Variants in AK3 observed in about 807,000 individuals in gnomAD.
AK3 encodes adenylate kinase 3, also known as GTP:AMP phosphotransferase AK3, mitochondrial.
Under a neutral mutation model 23.7 loss-of-function variants are expected in AK3, and 27 were observed. That is an observed-to-expected ratio of 1.14 (90% confidence interval 0.84 to 1.57). The LOEUF is 1.57. Ranked by LOEUF, AK3 falls within the 40% of genes most tolerant of loss-of-function variation. The pLI, the probability that AK3 is intolerant of heterozygous loss-of-function variation, is 0.00. For synonymous variants in AK3, 159 were observed against 116.0 expected (o/e 1.37, Z -2.38); for missense variants, 406 against 285.6 (o/e 1.42, Z -3.04).
At chr9:4,713,144 C>A in intron 4 of AK3, 48 bp from the exon 5 acceptor site, 1 of 1,596,558 alleles carries the variant, frequency 6.3e-7, no homozygotes, top group East Asian at 2.2e-5. Flanking sequence ...TCTGAGTCTT[C>A]CTAATAAGCT....
At chr9:4,731,723 T>C (rs1387117531) in intron 1 of AK3, among the ~76,000 whole-genome samples, 1 of 152,182 alleles carries the variant, frequency 6.6e-6, no homozygotes, top group Non-Finnish European at 1.5e-5. Flanking sequence ...TCCATTTGAT[T>C]ACCTACATTT....
At chr9:4,737,811 C>G (rs772543786) in intron 1 of AK3, among the ~76,000 whole-genome samples, 11 of 152,174 alleles carry the variant, frequency 7.2e-5, no homozygotes, top group Non-Finnish European at 1.5e-4. Flanking sequence ...TGATGACCTA[C>G]AGTTATTCCA....
chr9:4,719,956 T>C (rs1020432749), intron 2 of AK3, among the ~76,000 whole-genome samples: 1 of 113,274 alleles, frequency 8.8e-6, no homozygotes, highest in Admixed American at 8.2e-5. Flanking sequence ...TCCCAGCTAG[T>C]TGGGAGGCGA....
intron 1 of AK3, among the ~76,000 whole-genome samples, chr9:4,740,068 AAAAAAAAAAG>A (rs989428175): frequency 1.1e-4 from 16 of 149,688 alleles, no homozygotes; most frequent in African/African-American, 2.9e-4. Flanking sequence ...TACAAAAAAA[AAAAAAAAAAG>A]AAGGAAAACA....
rs1399150083 is a variant in AK3 at position 4,710,255 on chromosome 9, T to G, written c.*2721A>C. On this transcript the variant is annotated 3_prime_UTR_variant, in exon 5 of 5. Transcript: ENST00000381809. ...CGGAGTCTCCCTCTGTCGCCCAGGC[T>G]GGAGTGCAGTGGCACGATCTCAGCT... The G allele has an allele frequency of 3.3e-5, 5 of 152,322 alleles. No individual in the cohort carries two copies. Among genetic ancestry groups the G allele is most frequent in the South Asian group, 2.1e-4 (1 of 4,836 alleles). 9.4% of individuals were successfully genotyped at this position (152,322 alleles called of 1,614,324 possible). A position where few individuals can be genotyped will look rare whatever the true frequency, so the allele number is the denominator to read the frequency against.
At position 4,713,020 on chromosome 9, in the gene AK3, T is replaced by C. The variant is rs751865761; in HGVS notation, c.640A>G (p.Thr214Ala). 23 of 1,613,690 alleles carry C rather than the reference T, an allele frequency of 1.4e-5. No individual in the cohort carries two copies. Among genetic ancestry groups the C allele is most frequent in the Non-Finnish European group, 1.9e-5 (22 of 1,179,810 alleles). ...IWPYVYAFLQTKVPQRSQKAS... is the reference protein window; with the variant it reads ...IWPYVYAFLQAKVPQRSQKAS... ...TTCTGGCTTCTTTGTGGAACTTTAG[T>C]TTGTAGGAAAGCATATACATAGGGC... The change falls in exon 5 of 5, where the codon ACT (threonine) becomes GCT (alanine). Residue 214 changes from threonine (T) to alanine (A), a missense_variant. Coordinates refer to ENST00000381809, the MANE Select transcript of AK3 (RefSeq NM_016282.4).
chr9:4,729,857 G>T (rs1842114132), intron 1 of AK3, among the ~76,000 whole-genome samples: 1 of 149,324 alleles, frequency 6.7e-6, no homozygotes, highest in African/African-American at 2.4e-5. Context: ...AAAGAAATAT[G>T]TCTACACAAA....
In AK3 at chr9:4,711,839, C is replaced by T. The variant is rs1456162619; in HGVS notation, c.*1137G>A. ...GGTGGCAGTGAATGCTAACAGGTAT[C>T]AATTTCTTTGATCAGGAACAAAGAA... On this transcript the variant is annotated 3_prime_UTR_variant, in exon 5 of 5. Transcript: ENST00000381809. 1 of 152,178 alleles carries T rather than the reference C, an allele frequency of 6.6e-6. No individual in the cohort carries two copies. Among genetic ancestry groups the T allele is most frequent in the African/African-American group, 2.4e-5 (1 of 41,454 alleles). The allele number at this position is 152,178 out of a possible 1,614,324, so 9.4% of individuals were successfully genotyped here.
chr9:4,714,839 GCTGA>G (rs1313603246), intron 4 of AK3, among the ~76,000 whole-genome samples: 2 of 152,050 alleles, frequency 1.3e-5, no homozygotes, highest in African/African-American at 4.8e-5. Context: ...AAATAACAAT[GCTGA>G]CTATTACTAA....
Position 4,710,220 on chromosome 9 carries a change from T to G in AK3, c.*2756A>C, listed in dbSNP as rs188167325. 2.0e-4 allele frequency: 31 copies of G among 152,474 alleles called. No individual in the cohort carries two copies. Among genetic ancestry groups the G allele is most frequent in the Admixed American group, 2.0e-3 (31 of 15,304 alleles). The allele number at this position is 152,474 out of a possible 1,614,324, so 9.4% of individuals were successfully genotyped here. A position where few individuals can be genotyped will look rare whatever the true frequency, so the allele number is the denominator to read the frequency against. On this transcript the variant is annotated 3_prime_UTR_variant, in exon 5 of 5. Coordinates refer to ENST00000381809, the MANE Select transcript of AK3 (RefSeq NM_016282.4). ...TGAGGTGCTGTTCTCCCTGGCTTTTTTTTTTGAGACGGAGTCTCCCTCTGT... is the reference window on the plus strand; with the variant it reads ...TGAGGTGCTGTTCTCCCTGGCTTTTGTTTTTGAGACGGAGTCTCCCTCTGT...
chr9:4,711,971 G>A lies in AK3; in HGVS notation c.*1005C>T, dbSNP rs1176966418. On this transcript the variant is annotated 3_prime_UTR_variant, in exon 5 of 5. Transcript: ENST00000381809. ...TGATTGATTGCTATTTATGCCAAGG[G>A]AGCATTTCCCAGGCATGCCTCATCT... 6.6e-6 allele frequency: 1 copy of A among 152,102 alleles called. No individual in the cohort carries two copies. Among genetic ancestry groups the A allele is most frequent in the Non-Finnish European group, 1.5e-5 (1 of 68,010 alleles). 9.4% of individuals were successfully genotyped at this position (152,102 alleles called of 1,614,324 possible). A position where few individuals can be genotyped will look rare whatever the true frequency, so the allele number is the denominator to read the frequency against.
intron 1 of AK3, among the ~76,000 whole-genome samples, chr9:4,730,860 T>C (rs761574851): frequency 6.6e-6 from 1 of 152,208 alleles, no homozygotes; most frequent in Non-Finnish European, 1.5e-5. Flanking sequence ...TGTATATAGT[T>C]ATTGTGAAAA....
intron 1 of AK3, among the ~76,000 whole-genome samples, chr9:4,734,070 A>T (rs534333800): frequency 6.6e-6 from 1 of 152,270 alleles, no homozygotes; most frequent in Admixed American, 6.5e-5. Flanking sequence ...GGGTGACTAT[A>T]TTTGGAAATA....
chr9:4,727,423 T>C (rs4442190), intron 1 of AK3, among the ~76,000 whole-genome samples: 75,714 of 152,066 alleles, frequency 0.5, 20,182 homozygotes, highest in East Asian at 0.74. Context: ...CATCAGCACT[T>C]GCACTTTCCT....
intron 1 of AK3, among the ~76,000 whole-genome samples, chr9:4,732,995 G>C (rs403873): frequency 0.56 from 85,232 of 151,026 alleles, 26,029 homozygotes; most frequent in East Asian, 0.8. Context: ...TAGACAAGCA[G>C]AATCATGCCT....
chr9:4,714,765 T>C (rs1220390747), intron 4 of AK3, among the ~76,000 whole-genome samples: 1 of 152,240 alleles, frequency 6.6e-6, no homozygotes, highest in Non-Finnish European at 1.5e-5. Flanking sequence ...CCAGTTACTC[T>C]ATAATGTCCC....
At chr9:4,713,249 GC>G (rs1841611936) in intron 4 of AK3, among the ~76,000 whole-genome samples, 153 bp from the exon 5 acceptor site, 1 of 152,122 alleles carries the variant, frequency 6.6e-6, no homozygotes, top group Admixed American at 6.5e-5. Context: ...ACTTGGCTGG[GC>G]ATTGGAAAAT....
chr9:4,727,897 T>C (rs1004893092), intron 1 of AK3, among the ~76,000 whole-genome samples: 3 of 152,166 alleles, frequency 2.0e-5, no homozygotes, highest in South Asian at 2.1e-4. Context: ...CTAATTTCAA[T>C]ATTGTTGTGT....
At position 4,736,283 on chromosome 9, in the gene AK3, A is replaced by T. The variant is rs74677665; in HGVS notation, c.151+4654T>A. ...AAATGGGGCACTCCATATGCAAAGC[A>T]GTATTGTTAAAGGTATAAAACAGTA... On this transcript the variant is annotated intron_variant, in intron 1 of 4. Transcript: ENST00000381809. Among the ~76,000 whole-genome samples, 36 of 152,236 alleles carry T rather than the reference A, an allele frequency of 2.4e-4. 1 individual carries two copies. The East Asian group carries it at 6.4e-3, about 27-fold the overall frequency.
Sources: allele counts gnomAD v4.1 joint callset (sites outside exome capture counted in the v4.1 genomes callset), GRCh38; gene constraint gnomAD v4.1.1; transcripts MANE v1.5; gene names NCBI Gene and HGNC (gene_info 2026-07-23, HGNC 2026-07-21).